Variants in GAB1 observed in about 807,000 individuals in gnomAD.
The protein encoded by GAB1 is GRB2-associated-binding protein 1.
GAB1 carries 19 observed loss-of-function variants against 66.5 expected under a neutral mutation model. The ratio of observed to expected loss-of-function variants is 0.29; its 90% confidence interval spans 0.20 to 0.42. The LOEUF is 0.42. Among genes scored for constraint, GAB1 ranks in the 10% least tolerant of loss-of-function variants. The pLI, the probability that GAB1 is intolerant of heterozygous loss-of-function variation, is 1.00. For missense variants in GAB1, 732 were observed against 858.5 expected (o/e 0.85, Z 1.84); for synonymous variants, 294 against 301.4 (o/e 0.98, Z 0.25).
chr4:143,364,103 G>A (rs747541205), intron 1 of GAB1, among the ~76,000 whole-genome samples: 2 of 150,978 alleles, frequency 1.3e-5, no homozygotes, highest in Non-Finnish European at 2.9e-5. Context: ...CAGGAGAATC[G>A]CTTGAACCCG....
intron 6 of GAB1, among the ~76,000 whole-genome samples, chr4:143,441,014 C>T (rs748277985): frequency 9.2e-5 from 14 of 152,146 alleles, no homozygotes; most frequent in Non-Finnish European, 1.8e-4. Flanking sequence ...TATAATCTTT[C>T]CATTCTGTTC....
In GAB1 at chr4:143,439,804, G is replaced by A; in HGVS notation, c.1198G>A (p.Ala400Thr). ...TVDLNKLRKD[A>T]SSQDCYDIPR... Reference sequence around the variant, plus strand: ...TGATAGTTTGTTCTTTATTTTAGATGCTAGTTCTCAAGACTGCTATGATAT... The same window carrying A: ...TGATAGTTTGTTCTTTATTTTAGATACTAGTTCTCAAGACTGCTATGATAT... Residue 400 changes from alanine to threonine, a missense_variant and splice_region_variant, in exon 5 of 10, where the codon GCT becomes ACT. Around this residue, in one of 4 missense-constraint regions of GAB1, gnomAD observed 427 missense variants for 420.6 expected, o/e 1.02. Coordinates refer to ENST00000262994, the MANE Select transcript of GAB1 (RefSeq NM_002039.4). 6.2e-7 allele frequency: 1 copy of A among 1,607,588 alleles called. No homozygotes were observed. Among genetic ancestry groups the A allele is most frequent in the Non-Finnish European group, 8.5e-7 (1 of 1,174,244 alleles).
At chr4:143,407,364 C>T (rs1477007797) in intron 1 of GAB1, among the ~76,000 whole-genome samples, 1 of 151,350 alleles carries the variant, frequency 6.6e-6, no homozygotes, top group Non-Finnish European at 1.5e-5. Context: ...ATTATATGCA[C>T]TATTACTGAG....
chr4:143,389,405 A>G (rs1731076355), intron 1 of GAB1, among the ~76,000 whole-genome samples: 1 of 152,192 alleles, frequency 6.6e-6, no homozygotes, highest in Non-Finnish European at 1.5e-5. Flanking sequence ...AATTGAAAGG[A>G]TTGGTAGGAA....
intron 1 of GAB1, chr4:143,349,683 G>T (rs1273805816): frequency 3.9e-6 from 6 of 1,523,908 alleles, no homozygotes; most frequent in Admixed American, 1.7e-5. Flanking sequence ...TGGAGAGCTT[G>T]GCCAGGATGA....
chr4:143,426,210 A>G (rs866522032), intron 2 of GAB1, among the ~76,000 whole-genome samples: 1 of 152,146 alleles, frequency 6.6e-6, no homozygotes, highest in Non-Finnish European at 1.5e-5. Flanking sequence ...GCAAATCCCA[A>G]AACTGCACAT....
In GAB1 at chr4:143,438,318, A is replaced by G. The variant is rs1734041015; in HGVS notation, c.913A>G (p.Ile305Val). ...AGAGACTCAAATGAGGCATGTATCT[A>G]TTAGTTATGACATTCCTCCAACACC... The part of the protein sequence containing the change: ...SVETQMRHVS[I>V]SYDIPPTPGN... The change falls in exon 4 of 10, where the codon ATT becomes GTT. Residue 305 changes from isoleucine (I) to valine (V), a missense_variant. Transcript: ENST00000262994. 5 of 1,614,102 alleles carry G rather than the reference A, an allele frequency of 3.1e-6. No individual in the cohort carries two copies. The highest frequency in any genetic ancestry group is 3.4e-6 in the Non-Finnish European group (4 of 1,179,966).
At chr4:143,426,876 T>C (rs1244853306) in intron 2 of GAB1, among the ~76,000 whole-genome samples, 1 of 152,214 alleles carries the variant, frequency 6.6e-6, no homozygotes, top group Admixed American at 6.5e-5. Context: ...ATTCTTATAA[T>C]TTATTATCTA....
At chr4:143,415,898 A>G (rs1042776274) in intron 2 of GAB1, 127 bp downstream of exon 2, 3 of 769,230 alleles carry the variant, frequency 3.9e-6, no homozygotes, top group South Asian at 4.6e-5. Context: ...GGAACTTGAC[A>G]TTTGGAAAAA....
At chr4:143,464,713 A>G (rs1428494872) in intron 8 of GAB1, among the ~76,000 whole-genome samples, 1 of 152,348 alleles carries the variant, frequency 6.6e-6, no homozygotes, top group South Asian at 2.1e-4. Flanking sequence ...CGCCCACAGC[A>G]CAGAGCTGTC....
intron 8 of GAB1, among the ~76,000 whole-genome samples, chr4:143,464,087 A>G (rs1560789440): frequency 1.3e-5 from 2 of 152,180 alleles, no homozygotes; most frequent in Non-Finnish European, 2.9e-5. Flanking sequence ...TTATGTGACA[A>G]TGATATATAG....
intron 2 of GAB1, chr4:143,425,647 A>G (rs768785816): frequency 2.6e-6 from 2 of 761,216 alleles, no homozygotes; most frequent in East Asian, 2.4e-5. Context: ...CCTGAACTCT[A>G]CTTCTACAGA....
In GAB1 at chr4:143,345,553, CAT is replaced by C. The variant is rs1728959920; in HGVS notation, c.72+8294_72+8295del. ...TTATTTATTTTCTTTTGGTTTGACT[CAT>C]GTAGTTTAAATTTATTTTGAAAACA... On this transcript the variant is annotated intron_variant, in intron 1 of 9. Coordinates refer to ENST00000262994, the MANE Select transcript of GAB1 (RefSeq NM_002039.4). Among the ~76,000 whole-genome samples the C allele has an allele frequency of 4.6e-5, 7 of 152,166 alleles. No homozygotes were observed. In the South Asian group the frequency reaches 1.5e-3, roughly 32 times the overall value.
intron 1 of GAB1, among the ~76,000 whole-genome samples, chr4:143,356,644 G>T (rs569152486): frequency 6.6e-6 from 1 of 152,164 alleles, no homozygotes; most frequent in Non-Finnish European, 1.5e-5. Context: ...TGTTTGGCAC[G>T]CCTGTTTTAA....
At position 143,469,020 on chromosome 4, in the gene GAB1, T is replaced by C. The variant is rs1481989955; in HGVS notation, c.1927-11T>C. On this transcript the variant is annotated splice_polypyrimidine_tract_variant and intron_variant, in intron 9 of 9. Coordinates refer to ENST00000262994, the MANE Select transcript of GAB1 (RefSeq NM_002039.4). ...ATATGTTGGACTTTTTGTTTTTTCTTTGTGTTTTAGCAAAAGAGCAGTGGC... is the reference window on the plus strand; with the variant it reads ...ATATGTTGGACTTTTTGTTTTTTCTCTGTGTTTTAGCAAAAGAGCAGTGGC... The C allele has an allele frequency of 6.2e-7, 1 of 1,612,560 alleles. No individual in the cohort carries two copies. The highest frequency in any genetic ancestry group is 1.1e-5 in the South Asian group (1 of 91,034).
At position 143,400,880 on chromosome 4, in the gene GAB1, A is replaced by C. The variant is rs572861395; in HGVS notation, c.73-14597A>C. 7.9e-5 allele frequency among the ~76,000 whole-genome samples: 12 copies of C among 151,984 alleles called. No individual in the cohort carries two copies. The South Asian group carries it at 1.5e-3, about 18-fold the overall frequency. On this transcript the variant is annotated intron_variant, in intron 1 of 9. Coordinates refer to ENST00000262994, the MANE Select transcript of GAB1 (RefSeq NM_002039.4). ...GCTACTTAGAAGGTTGAGACAGGAG[A>C]ATCACTTGAACCTGGGAGGCAGAGG... is the stretch of plus-strand genomic sequence containing the variant.
chr4:143,365,169 G>A (rs766279093), intron 1 of GAB1, among the ~76,000 whole-genome samples: 1 of 151,708 alleles, frequency 6.6e-6, no homozygotes, highest in Non-Finnish European at 1.5e-5. Flanking sequence ...GAGCCATCGC[G>A]CCCGGCCCTG....
At chr4:143,347,965 TC>T (rs1185512905) in intron 1 of GAB1, among the ~76,000 whole-genome samples, 1 of 152,232 alleles carries the variant, frequency 6.6e-6, no homozygotes, top group African/African-American at 2.4e-5. Flanking sequence ...GGGTCCTTTT[TC>T]CATCACCCTT....
intron 1 of GAB1, among the ~76,000 whole-genome samples, chr4:143,367,924 C>T (rs997314974): frequency 4.6e-5 from 7 of 151,752 alleles, no homozygotes; most frequent in East Asian, 1.9e-4. Context: ...GGAGTTTCAC[C>T]GTGTTGCCCA....
Sources: allele counts gnomAD v4.1 joint callset (sites outside exome capture counted in the v4.1 genomes callset), GRCh38; gene constraint gnomAD v4.1.1; regional missense constraint gnomAD v4.1.1; transcripts MANE v1.5; gene names NCBI Gene and HGNC (gene_info 2026-07-23, HGNC 2026-07-21).